Variants in FAM53A observed in about 807,000 individuals in gnomAD.
FAM53A encodes the protein protein FAM53A.
FAM53A carries 28 observed loss-of-function variants against 26.6 expected under a neutral mutation model. The observed-to-expected ratio is 1.05, with a 90% CI of 0.78 to 1.45. The LOEUF (loss-of-function observed/expected upper bound fraction) is 1.45. Ranked by LOEUF, FAM53A falls within the 40% of genes most tolerant of loss-of-function variation. FAM53A has a pLI of 0.00. For missense variants in FAM53A, 650 were observed against 575.8 expected, an observed-to-expected ratio of 1.13 and a Z score of -1.32; for synonymous variants, 290 against 253.1, an observed-to-expected ratio of 1.15 and a Z score of -1.38.
chr4:1,583,757 CCTG>C, the FAM53A span, among the ~76,000 whole-genome samples: 1 of 152,226 alleles, frequency 6.6e-6, no homozygotes, highest in African/African-American at 2.4e-5. Flanking sequence ...TGGGCACCTG[CCTG>C]CTTTCACCAC....
At chr4:1,645,137 G>A (rs1018010829) in intron 4 of FAM53A, among the ~76,000 whole-genome samples, 10 of 152,216 alleles carry the variant, frequency 6.6e-5, no homozygotes, top group African/African-American at 2.2e-4. Context: ...CTGGAGCGCA[G>A]CACAGTGCAT....
intron 2 of FAM53A, among the ~76,000 whole-genome samples, chr4:1,665,394 C>T (rs1311127765): frequency 2.7e-5 from 4 of 150,940 alleles, no homozygotes; most frequent in African/African-American, 7.3e-5. Flanking sequence ...GAGGCTGAGG[C>T]GAGAGAATCG....
chr4:1,637,756 C>T (rs185846854), downstream of FAM53A, among the ~76,000 whole-genome samples: 3 of 152,130 alleles, frequency 2.0e-5, no homozygotes, highest in African/African-American at 7.2e-5. Context: ...AGGCCCCCAG[C>T]GCAGGAAGGG....
upstream of FAM53A, among the ~76,000 whole-genome samples, chr4:1,685,029 A>G (rs2109102375): frequency 6.6e-6 from 1 of 152,014 alleles, no homozygotes; most frequent in East Asian, 1.9e-4. Context: ...GTCTCCAGCA[A>G]ATTCCCAGGA....
chr4:1,636,763 G>C (rs77910248), downstream of FAM53A, among the ~76,000 whole-genome samples: 3 of 152,366 alleles, frequency 2.0e-5, no homozygotes, highest in South Asian at 6.2e-4. Context: ...CCGCGTCTGC[G>C]TCTGCCAGAC....
the FAM53A span, among the ~76,000 whole-genome samples, chr4:1,581,736 A>C: frequency 6.6e-6 from 1 of 152,168 alleles, no homozygotes; most frequent in Admixed American, 6.5e-5. Flanking sequence ...CTGGGATTAC[A>C]GGCACCCGCC....
At chr4:1,625,362 C>T (rs559638603) in intron 1 of FAM53A, among the ~76,000 whole-genome samples, 1 of 44,840 alleles carries the variant, frequency 2.2e-5, no homozygotes, top group African/African-American at 2.0e-4. Context: ...CCCCACGTCC[C>T]GGCCCACGTG....
intron 2 of FAM53A, among the ~76,000 whole-genome samples, chr4:1,663,452 G>A (rs1044614292): frequency 2.0e-5 from 3 of 152,076 alleles, no homozygotes; most frequent in African/African-American, 7.2e-5. Flanking sequence ...GCTAAAATAT[G>A]GCAACCACCC....
chr4:1,596,276 A>G, the FAM53A span, among the ~76,000 whole-genome samples: 1 of 152,228 alleles, frequency 6.6e-6, no homozygotes, highest in Middle Eastern at 3.2e-3. Context: ...TCCCCTCTAC[A>G]TAATTCCATG....
At chr4:1,655,785 C>A in intron 3 of FAM53A, 62 bp from the exon 4 acceptor site, 1 of 1,450,782 alleles carries the variant, frequency 6.9e-7, no homozygotes. Context: ...CAGGCGACAT[C>A]CATCCCGGCA....
At chr4:1,650,474 GT>G (rs1263515162) in intron 4 of FAM53A, among the ~76,000 whole-genome samples, 1 of 152,062 alleles carries the variant, frequency 6.6e-6, no homozygotes, top group African/African-American at 2.4e-5. Context: ...GTGGTTTTTG[GT>G]TTTGATTTTG....
chr4:1,669,985 G>A (rs77838628), intron 1 of FAM53A, among the ~76,000 whole-genome samples: 3,591 of 152,246 alleles, frequency 0.024, 75 homozygotes, highest in Middle Eastern at 0.058. Flanking sequence ...CGGACAGGAC[G>A]CCAAAGCCCA....
At chr4:1,595,679 C>T in the FAM53A span, among the ~76,000 whole-genome samples, 17 of 152,358 alleles carry the variant, frequency 1.1e-4, no homozygotes, top group Non-Finnish European at 1.6e-4. Flanking sequence ...CCCAGCACCG[C>T]GGGAAGCGCC....
At chr4:1,627,574 C>G (rs1715363580) in intron 1 of FAM53A, among the ~76,000 whole-genome samples, 1 of 152,192 alleles carries the variant, frequency 6.6e-6, no homozygotes, top group South Asian at 2.1e-4. Flanking sequence ...TGGTGGAGAG[C>G]TGGGGCTCCC....
chr4:1,594,995 C>G, the FAM53A span, among the ~76,000 whole-genome samples: 2 of 152,360 alleles, frequency 1.3e-5, no homozygotes, highest in East Asian at 3.9e-4. Context: ...CACAGGCCCA[C>G]TGGGCCATCT....
chr4:1,589,128 A>C, the FAM53A span, among the ~76,000 whole-genome samples: 1 of 152,178 alleles, frequency 6.6e-6, no homozygotes, highest in Non-Finnish European at 1.5e-5. Flanking sequence ...TTAAATAGGT[A>C]GCTTTTGATC....
chr4:1,579,275 G>T, the FAM53A span, among the ~76,000 whole-genome samples: 1 of 145,270 alleles, frequency 6.9e-6, no homozygotes, highest in Non-Finnish European at 1.5e-5. Context: ...GCCCGCGCCT[G>T]CTGGGCGCCC....
rs200002164 is a variant in FAM53A at position 1,657,408 on chromosome 4, C to G, written c.136G>C (p.Asp46His). ...CGGCCACAGCTCCTAAAGTGCTCAC[C>G]GTTGAGCTCCAAAGGGAACAGACGA... The part of the protein sequence containing the change: ...SGRLFPLELN[D>H]QSPWKVFSGG... Residue 46 changes from aspartate (D) to histidine (H), a missense_variant and splice_region_variant, in exon 3 of 5, where the codon GAC becomes CAC. Asp to His is a moderately conservative substitution (Grantham distance 81, BLOSUM62 -1). Coordinates refer to ENST00000308132, the MANE Select transcript of FAM53A (RefSeq NM_001174070.3). 111 of 1,613,098 alleles carry G rather than the reference C, an allele frequency of 6.9e-5. No homozygotes were observed. Among genetic ancestry groups the G allele is most frequent in the East Asian group, 8.9e-5 (4 of 44,886 alleles).
intron 1 of FAM53A, among the ~76,000 whole-genome samples, chr4:1,629,660 G>C (rs963791607): frequency 6.6e-6 from 1 of 152,210 alleles, no homozygotes; most frequent in Non-Finnish European, 1.5e-5. Flanking sequence ...TCAGTGAAGA[G>C]TACAAGGGGG....
Sources: gnomAD v4.1 joint callset for allele counts (sites outside exome capture counted in the v4.1 genomes callset) on GRCh38, gnomAD v4.1.1 for gene constraint, MANE v1.5 for transcripts, NCBI Gene and HGNC (gene_info 2026-07-23, HGNC 2026-07-21) for gene names.